Variants in PPM1L observed in about 807,000 individuals in gnomAD.
PPM1L encodes protein phosphatase 1L.
A neutral mutation model predicts 31.4 loss-of-function variants in PPM1L; 13 were observed. The ratio of observed to expected loss-of-function variants is 0.41; its 90% CI spans 0.27 to 0.66. PPM1L has a LOEUF of 0.66. Among genes scored for constraint, PPM1L ranks in the 30% least tolerant of loss-of-function variants. The pLI, the probability that PPM1L is intolerant of heterozygous loss-of-function variation, is 0.29. For synonymous variants in PPM1L, 184 were observed against 175.4 expected (o/e 1.05, Z -0.39); for missense variants, 326 against 453.7 (o/e 0.72, Z 2.56).
At chr3:160,768,372 C>G (rs545729230) in intron 1 of PPM1L, among the ~76,000 whole-genome samples, 1 of 152,118 alleles carries the variant, frequency 6.6e-6, no homozygotes, top group East Asian at 1.9e-4. Context: ...GAACTAGGTC[C>G]CTCTGGTTTA....
rs533528180 is a variant in PPM1L, at chr3:160,961,957, T to G, written c.574+47T>G. On this transcript the variant is annotated intron_variant, in intron 2 of 3. Transcript: ENST00000498165. ...ACATTTTTTTTCCTTGCAAAAAAAATTCATTATAAACCTTGATTAAACTTG... is the reference window on the plus strand; with the variant it reads ...ACATTTTTTTTCCTTGCAAAAAAAAGTCATTATAAACCTTGATTAAACTTG... The G allele has an allele frequency of 8.8e-4, 1,274 of 1,440,042 alleles. 12 individuals carry two copies. In the African/African-American group the frequency reaches 0.017, roughly 20 times the overall value. The allele number at this position is 1,440,042 out of a possible 1,614,324, so 89.2% of individuals were successfully genotyped here.
At chr3:160,989,977 T>TTTTTGTTTTG (rs71628438) in intron 2 of PPM1L, among the ~76,000 whole-genome samples, 8,057 of 146,612 alleles carry the variant, frequency 0.055, 522 homozygotes, top group African/African-American at 0.14. Context: ...AGCAACGTTG[T>TTTTTGTTTTG]TTTTGTTTTG....
chr3:160,929,465 G>A (rs541510301), intron 1 of PPM1L, among the ~76,000 whole-genome samples: 1 of 152,218 alleles, frequency 6.6e-6, no homozygotes, highest in East Asian at 1.9e-4. Flanking sequence ...CAGGGTCTAA[G>A]CTGGAAAAGG....
intron 2 of PPM1L, among the ~76,000 whole-genome samples, chr3:160,999,685 G>C (rs1307860919): frequency 1.6e-4 from 24 of 152,210 alleles, no homozygotes; most frequent in Admixed American, 1.5e-3. Context: ...AGTTCAACTA[G>C]ATCAACCAGT....
At position 161,055,785 on chromosome 3, in the gene PPM1L, C is replaced by T. The variant is rs1719393609; in HGVS notation, c.575-9618C>T. Among the ~76,000 whole-genome samples the T allele has an allele frequency of 1.3e-5, 2 of 151,998 alleles. 1 individual carries two copies. ...TCCTTACCCTCCCCAATCTCTCTCT[C>T]TCTTTCCTAAAGAACAAAAATGGCA... On this transcript the variant is annotated intron_variant, in intron 2 of 3. Coordinates refer to ENST00000498165, the MANE Select transcript of PPM1L (RefSeq NM_139245.4).
chr3:160,983,864 A>C (rs1401622407), intron 2 of PPM1L, among the ~76,000 whole-genome samples: 2 of 152,216 alleles, frequency 1.3e-5, no homozygotes, highest in South Asian at 4.1e-4. Flanking sequence ...CCAAGCCACA[A>C]AACCAGCAAG....
In PPM1L at chr3:161,070,776, C is replaced by T. The variant is rs1706437130; in HGVS notation, c.*1619C>T. ...CCGTGGAACCCTGCCCTCTCCCCTC[C>T]TGCTGCTGTAGAGTTTTCCCAAAGC... On this transcript the variant is annotated 3_prime_UTR_variant, in exon 4 of 4. Coordinates refer to ENST00000498165, the MANE Select transcript of PPM1L (RefSeq NM_139245.4). 1 of 152,208 alleles carries T rather than the reference C, an allele frequency of 6.6e-6. No individual in the cohort carries two copies. The highest frequency in any genetic ancestry group is 2.1e-4 in the South Asian group (1 of 4,824). 9.4% of individuals were successfully genotyped at this position (152,208 alleles called of 1,614,324 possible). A position where few individuals can be genotyped will look rare whatever the true frequency, so the allele number is the denominator to read the frequency against.
rs139410148 is a variant in PPM1L, at chr3:160,996,107, A to G, written c.574+34197A>G. The stretch of plus-strand genomic sequence containing the variant: ...CAGTGTAATACCACCTTACTCCTGC[A>G]AGAATGGCCATAATCAAAAACTCAA... On this transcript the variant is annotated intron_variant, in intron 2 of 3. Transcript: ENST00000498165. 5.9e-3 allele frequency among the ~76,000 whole-genome samples: 898 copies of G among 152,304 alleles called. 13 individuals are homozygous for G. Among genetic ancestry groups the G allele is most frequent in the African/African-American group, 0.021 (859 of 41,564 alleles).
chr3:160,998,707 G>T (rs1183619195), intron 2 of PPM1L, among the ~76,000 whole-genome samples: 2 of 152,152 alleles, frequency 1.3e-5, no homozygotes, highest in Non-Finnish European at 2.9e-5. Flanking sequence ...CATTTCTTCA[G>T]TGTAAATTTT....
intron 1 of PPM1L, among the ~76,000 whole-genome samples, chr3:160,941,476 C>G (rs1335429853): frequency 6.6e-6 from 1 of 152,002 alleles, no homozygotes; most frequent in African/African-American, 2.4e-5. Context: ...TCATGGGGGC[C>G]AGTGTTTCTC....
chr3:160,789,609 T>A (rs111510133), intron 1 of PPM1L, among the ~76,000 whole-genome samples: 3 of 152,076 alleles, frequency 2.0e-5, no homozygotes, highest in African/African-American at 7.2e-5. Flanking sequence ...GTTAATTATG[T>A]TAAGGAACTA....
chr3:160,941,213 C>T (rs143255829), intron 1 of PPM1L, among the ~76,000 whole-genome samples: 2,397 of 152,166 alleles, frequency 0.016, 57 homozygotes, highest in African/African-American at 0.053. Context: ...TTTACAGGCT[C>T]ATAGGCAGAA....
intron 1 of PPM1L, among the ~76,000 whole-genome samples, chr3:160,851,734 G>C (rs930524388): frequency 2.6e-5 from 4 of 152,050 alleles, no homozygotes; most frequent in Admixed American, 2.6e-4. Flanking sequence ...GGAAAGATCC[G>C]ATACTTGGGG....
intron 2 of PPM1L, among the ~76,000 whole-genome samples, chr3:161,040,480 T>G (rs571289153): frequency 1.4e-4 from 21 of 152,342 alleles, no homozygotes; most frequent in African/African-American, 5.1e-4. Context: ...ACATGTTCCC[T>G]GACTCTACAT....
rs111772890 is a variant in PPM1L at position 160,780,643 on chromosome 3, T to G, written c.399+23936T>G. On this transcript the variant is annotated intron_variant, in intron 1 of 3. Coordinates refer to ENST00000498165, the MANE Select transcript of PPM1L (RefSeq NM_139245.4). The stretch of plus-strand genomic sequence containing the variant: ...AGAAGTAAAGAAATAGCATGGAGTT[T>G]GATTCCTTTCGAACTCTATATTCGT... Among the ~76,000 whole-genome samples, 1,450 of 152,288 alleles carry G rather than the reference T, an allele frequency of 9.5e-3. 22 individuals carry two copies. The highest frequency in any genetic ancestry group is 0.032 in the African/African-American group (1,336 of 41,554).
At chr3:160,904,770 T>TAG (rs374280264) in intron 1 of PPM1L, among the ~76,000 whole-genome samples, 4 of 148,528 alleles carry the variant, frequency 2.7e-5, no homozygotes, top group African/African-American at 7.4e-5. Flanking sequence ...GAAGGAGAGA[T>TAG]AGAGAGAGAG....
chr3:161,024,636 T>A (rs983410883), intron 2 of PPM1L, among the ~76,000 whole-genome samples: 2 of 151,376 alleles, frequency 1.3e-5, no homozygotes, highest in Non-Finnish European at 2.9e-5. Flanking sequence ...AGGCAAAGGT[T>A]GTGGTCAGCT....
At chr3:161,014,853 A>T (rs1397814684) in intron 2 of PPM1L, among the ~76,000 whole-genome samples, 1 of 152,118 alleles carries the variant, frequency 6.6e-6, no homozygotes, top group Non-Finnish European at 1.5e-5. Flanking sequence ...GGTTTGGGAT[A>T]TTTGGGGATG....
chr3:161,014,868 G>T (rs1576784511), intron 2 of PPM1L, among the ~76,000 whole-genome samples: 1 of 152,128 alleles, frequency 6.6e-6, no homozygotes, highest in African/African-American at 2.4e-5. Context: ...GGGATGGGGG[G>T]AGTCATATTG....
Sources: gnomAD v4.1 joint callset for allele counts (sites outside exome capture counted in the v4.1 genomes callset) on GRCh38, gnomAD v4.1.1 for gene constraint, MANE v1.5 for transcripts, NCBI Gene and HGNC (gene_info 2026-07-23, HGNC 2026-07-21) for gene names.